Variants in SHTN1 observed in about 807,000 individuals in gnomAD.
SHTN1 encodes shootin 1.
In SHTN1, 42 loss-of-function variants were observed where a neutral mutation model predicts 83.1. The ratio of observed to expected loss-of-function variants is 0.51; its 90% confidence interval spans 0.39 to 0.65. SHTN1 has a LOEUF of 0.65. Ranked by LOEUF, SHTN1 falls within the 30% of genes least tolerant of loss-of-function variation. The pLI is 0.00. For synonymous variants in SHTN1, 224 were observed against 247.7 expected (o/e 0.90, Z 0.90); for missense variants, 622 against 737.8 (o/e 0.84, Z 1.82).
chr10:116,924,431 G>T (rs548343498), intron 11 of SHTN1, among the ~76,000 whole-genome samples: 1 of 150,690 alleles, frequency 6.6e-6, no homozygotes, highest in East Asian at 1.9e-4. Flanking sequence ...ACGGGAAGAA[G>T]AATATGTTTA....
At chr10:116,890,407 A>G (rs1847303234) in intron 16 of SHTN1, among the ~76,000 whole-genome samples, 1 of 152,216 alleles carries the variant, frequency 6.6e-6, no homozygotes, top group Non-Finnish European at 1.5e-5. Context: ...TGTCCAAGGA[A>G]CAGTGAGGTT....
At chr10:117,005,684 T>C (rs1851993821), upstream of SHTN1, 1 of 656,168 alleles carries the variant, frequency 1.5e-6, no homozygotes. Flanking sequence ...TGGTACATTT[T>C]GCACCTTGAA....
chr10:117,098,396 CAAAAA>C (rs11321262), intron 1 of SHTN1, among the ~76,000 whole-genome samples: 1 of 61,032 alleles, frequency 1.6e-5, no homozygotes, highest in Non-Finnish European at 3.2e-5. Flanking sequence ...CACTCCGTCT[CAAAAA>C]AAAAAAAAAA....
chr10:116,894,114 T>G (rs1265351149), intron 16 of SHTN1, among the ~76,000 whole-genome samples: 1 of 152,208 alleles, frequency 6.6e-6, no homozygotes, highest in Non-Finnish European at 1.5e-5. Flanking sequence ...AATGTTTGAC[T>G]GGTCACACCA....
chr10:117,050,264 G>A (rs1852722211), intron 1 of SHTN1, among the ~76,000 whole-genome samples: 3 of 151,828 alleles, frequency 2.0e-5, no homozygotes, highest in African/African-American at 7.3e-5. Context: ...GACTGATAAA[G>A]ATAAAAAGAT....
At chr10:117,004,607 C>G (rs535732878) in intron 1 of SHTN1, among the ~76,000 whole-genome samples, 58 of 152,298 alleles carry the variant, frequency 3.8e-4, no homozygotes, top group African/African-American at 1.3e-3. Context: ...ACAGGCCACC[C>G]AGCGCCAACA....
At chr10:116,927,942 T>G (rs1848807024) in intron 10 of SHTN1, 51 bp from the exon 11 acceptor site, 1 of 1,598,650 alleles carries the variant, frequency 6.3e-7, no homozygotes, top group Non-Finnish European at 8.5e-7. Flanking sequence ...CAACTAAACA[T>G]TGTTTATACA....
chr10:116,939,454 C>A (rs1046340263), intron 9 of SHTN1, among the ~76,000 whole-genome samples: 1 of 152,322 alleles, frequency 6.6e-6, no homozygotes, highest in South Asian at 2.1e-4. Context: ...CCGGGTGAGG[C>A]AACACCCCAC....
chr10:116,945,052 A>G (rs1226244801), intron 7 of SHTN1, 34 bp from the exon 8 acceptor site: 1 of 1,231,252 alleles, frequency 8.1e-7, no homozygotes, highest in African/African-American at 1.5e-5. Flanking sequence ...AAACCCAGAC[A>G]ATAAGTCACA....
intron 1 of SHTN1, among the ~76,000 whole-genome samples, chr10:117,055,790 C>T (rs1376181779): frequency 1.3e-5 from 2 of 152,210 alleles, no homozygotes; most frequent in Non-Finnish European, 2.9e-5. Context: ...ATCACTTCAA[C>T]TCAAGAGTTC....
At chr10:116,974,286 G>T in intron 2 of SHTN1, 2 of 246,576 alleles carry the variant, frequency 8.1e-6, no homozygotes, top group Non-Finnish European at 1.3e-5. Context: ...TTTTTCTCTG[G>T]CACAACCACT....
chr10:116,993,819 T>C lies in SHTN1; in HGVS notation c.58+11203A>G, dbSNP rs139392218. On this transcript the variant is annotated intron_variant, in intron 1 of 16. Transcript: ENST00000355371. ...GCAATCTCTTTGGTTACCATATCCTTAGAGTTTTGTGAAATTAAATTAAAT... is the reference window on the plus strand; with the variant it reads ...GCAATCTCTTTGGTTACCATATCCTCAGAGTTTTGTGAAATTAAATTAAAT... Among the ~76,000 whole-genome samples, 366 of 152,294 alleles carry C rather than the reference T, an allele frequency of 2.4e-3. 2 individuals are homozygous for C. Among genetic ancestry groups the C allele is most frequent in the African/African-American group, 8.3e-3 (346 of 41,588 alleles).
intron 4 of SHTN1, among the ~76,000 whole-genome samples, chr10:116,957,393 A>G (rs1026781579): frequency 4.6e-5 from 7 of 151,088 alleles, no homozygotes; most frequent in African/African-American, 1.5e-4. Flanking sequence ...AACTGCGATT[A>G]CAGGCACACA....
intron 1 of SHTN1, among the ~76,000 whole-genome samples, chr10:117,110,870 G>GA (rs1853756092): frequency 6.6e-6 from 1 of 152,128 alleles, no homozygotes; most frequent in Non-Finnish European, 1.5e-5. Context: ...TCAAACTTTA[G>GA]AGTGCACTAG....
chr10:117,015,586 C>G (rs770901673), intron 2 of SHTN1, among the ~76,000 whole-genome samples: 1 of 152,198 alleles, frequency 6.6e-6, no homozygotes, highest in Non-Finnish European at 1.5e-5. Context: ...CTGCCTCAGC[C>G]TCCCAAAGTG....
At chr10:117,017,669 AG>A (rs1852200142) in intron 2 of SHTN1, among the ~76,000 whole-genome samples, 1 of 152,188 alleles carries the variant, frequency 6.6e-6, no homozygotes, top group Non-Finnish European at 1.5e-5. Flanking sequence ...ATACCCCCGC[AG>A]GGGTTGGAGT....
intron 14 of SHTN1, among the ~76,000 whole-genome samples, chr10:116,909,949 A>G (rs2627193): frequency 0.96 from 146,040 of 152,186 alleles, 70,373 homozygotes; most frequent in East Asian, 1. Context: ...TTCGTGTTCC[A>G]TCTTAATTGT....
At chr10:117,067,562 T>C (rs1239543949) in intron 1 of SHTN1, among the ~76,000 whole-genome samples, 2 of 152,030 alleles carry the variant, frequency 1.3e-5, no homozygotes, top group Non-Finnish European at 2.9e-5. Context: ...GCCACTGTAC[T>C]CCAGCCTGGG....
At chr10:116,923,704 C>A (rs1564878730) in intron 11 of SHTN1, among the ~76,000 whole-genome samples, 2 of 152,064 alleles carry the variant, frequency 1.3e-5, no homozygotes, top group African/African-American at 4.8e-5. Context: ...TACAGGTACA[C>A]CACCACTCCT....
Sources: allele counts gnomAD v4.1 joint callset (sites outside exome capture counted in the v4.1 genomes callset), GRCh38; gene constraint gnomAD v4.1.1; transcripts MANE v1.5; gene names NCBI Gene and HGNC (gene_info 2026-07-23, HGNC 2026-07-21).